The following ZFYVE27 variants were observed in gnomAD, a reference collection of about 807,000 sequenced individuals.
The protein encoded by ZFYVE27 is zinc finger FYVE-type containing 27, also known as protrudin.
A neutral mutation model predicts 52.8 loss-of-function variants in ZFYVE27; 36 were observed. The ratio of observed to expected loss-of-function variants is 0.68; its 90% CI spans 0.52 to 0.90. The LOEUF is 0.90. ZFYVE27 is among the 40% of genes least tolerant of loss of function. The probability of loss-of-function intolerance (pLI) is 0.00; values close to 1 mark genes in which losing one functional copy is unlikely to be tolerated. For synonymous variants in ZFYVE27, 223 were observed against 215.6 expected, an observed-to-expected ratio of 1.03 and a Z score of -0.30; for missense variants, 450 against 527.2, an observed-to-expected ratio of 0.85 and a Z score of 1.43.
intron 5 of ZFYVE27, 89 bp downstream of exon 5, chr10:97,748,453 C>G: frequency 2.3e-6 from 3 of 1,329,116 alleles, no homozygotes; most frequent in Non-Finnish European, 3.2e-6. Flanking sequence ...GGACCTCTGC[C>G]CCTCTTACCT....
In ZFYVE27 at chr10:97,740,722, C is replaced by T. The variant is rs189695001; in HGVS notation, c.197+2048C>T. ...GCTGCTGGGAGAGGGAGCACTGGTC[C>T]ATGAAAGTGGCTGTCACGTTAGTTT... On this transcript the variant is annotated intron_variant, in intron 2 of 12. Coordinates refer to ENST00000684270, the MANE Select transcript of ZFYVE27 (RefSeq NM_001385875.1). Among the ~76,000 whole-genome samples the T allele has an allele frequency of 1.3e-3, 192 of 152,268 alleles. 1 individual carries two copies. The highest frequency in any genetic ancestry group is 3.8e-3 in the African/African-American group (156 of 41,552).
chr10:97,752,789 T>G, intron 8 of ZFYVE27, 68 bp from the exon 9 acceptor site: 2 of 1,580,386 alleles, frequency 1.3e-6, no homozygotes, highest in South Asian at 2.3e-5. Context: ...CCCCTCCAGG[T>G]AGCTTCTTTC....
chr10:97,748,416 G>A, intron 5 of ZFYVE27, 52 bp downstream of exon 5: 2 of 1,584,872 alleles, frequency 1.3e-6, no homozygotes, highest in South Asian at 1.1e-5. Flanking sequence ...TGCAGCTTGA[G>A]CCCGAGCAAA....
intron 6 of ZFYVE27, 104 bp downstream of exon 6, chr10:97,749,690 C>A (rs1302712147): frequency 8.5e-6 from 8 of 945,808 alleles, no homozygotes; most frequent in Admixed American, 1.8e-5. Flanking sequence ...GTTTGCTGTG[C>A]TTCCACAAGT....
At position 97,759,330 on chromosome 10, in the gene ZFYVE27, C is replaced by T. The variant is rs745358878; in HGVS notation, c.*30C>T. On this transcript the variant is annotated 3_prime_UTR_variant, in exon 13 of 13. Transcript: ENST00000684270. ...AGAGGCCAGGGTCCAACCAGGCACC[C>T]GTCCTTGGGACCAGCAGTAGACCCC... The T allele has an allele frequency of 1.5e-5, 25 of 1,613,272 alleles. No homozygotes were observed. The highest frequency in any genetic ancestry group is 1.2e-4 in the South Asian group (11 of 91,062).
Position 97,748,311 on chromosome 10 carries a change from A to C in ZFYVE27, c.498A>C (p.Thr166=), listed in dbSNP as rs746374329. The C allele has an allele frequency of 6.2e-7, 1 of 1,614,138 alleles. No individual in the cohort carries two copies. Among genetic ancestry groups the C allele is most frequent in the Non-Finnish European group, 8.5e-7 (1 of 1,180,030 alleles). The part of the protein sequence containing the change: ...LEAFLSRLCC[T]CEAAYRVLHW... ...CCTTCCTGAGCCGCCTGTGCTGCAC[A>C]TGTGAAGCCGCCTACCGCGTGCTGC... Residue 166 remains threonine (T), a synonymous_variant, in exon 5 of 13, where the codon ACA becomes ACC. Coordinates refer to ENST00000684270, the MANE Select transcript of ZFYVE27 (RefSeq NM_001385875.1).
intron 10 of ZFYVE27, among the ~76,000 whole-genome samples, chr10:97,753,559 G>A (rs1022753651): frequency 1.3e-5 from 2 of 152,138 alleles, no homozygotes; most frequent in African/African-American, 4.8e-5. Flanking sequence ...GCAAATCCCA[G>A]CTCAGCCAGG....
intron 12 of ZFYVE27, 60 bp from the exon 13 acceptor site, chr10:97,759,176 T>C (rs1203466464): frequency 6.3e-7 from 1 of 1,592,564 alleles, no homozygotes; most frequent in Non-Finnish European, 8.6e-7. Flanking sequence ...CTTCTAGTAG[T>C]TGGGGCCATG....
chr10:97,739,280 G>C (rs1445812758), intron 2 of ZFYVE27, among the ~76,000 whole-genome samples: 1 of 151,310 alleles, frequency 6.6e-6, no homozygotes, highest in African/African-American at 2.4e-5. Context: ...TGTTGCCCAG[G>C]CTGGTCTTGA....
At chr10:97,746,051 ATTT>A (rs71488840) in intron 4 of ZFYVE27, among the ~76,000 whole-genome samples, 62 of 64,144 alleles carry the variant, frequency 9.7e-4, no homozygotes, top group African/African-American at 1.9e-3. Flanking sequence ...ATATATATAT[ATTT>A]TTTTTTTTTT....
chr10:97,753,042 A>T lies in ZFYVE27; in HGVS notation c.902A>T (p.Asp301Val), dbSNP rs1226288489. ...TGGAAGGAGCTGTTCCCACAGGAGG[A>T]TGATGAGGGCGCCCCGTGCCCAGCA... ...IEETHLVVLEDDEGAPCPAED... is the reference protein window; with the variant it reads ...IEETHLVVLEVDEGAPCPAED... The change falls in exon 10 of 13, where the codon GAT becomes GTT. Residue 301 changes from aspartate (D) to valine (V), a missense_variant. By Grantham distance (152) the Asp-to-Val change is radical. Coordinates refer to ENST00000684270, the MANE Select transcript of ZFYVE27 (RefSeq NM_001385875.1). The T allele has an allele frequency of 7.4e-6, 12 of 1,612,282 alleles. No individual in the cohort carries two copies. Among genetic ancestry groups the T allele is most frequent in the Non-Finnish European group, 1.0e-5 (12 of 1,179,478 alleles).
At position 97,759,361 on chromosome 10, in the gene ZFYVE27, C is replaced by A; in HGVS notation, c.*61C>A. The A allele has an allele frequency of 6.4e-7, 1 of 1,573,146 alleles. No individual in the cohort carries two copies. The highest frequency in any genetic ancestry group is 8.7e-7 in the Non-Finnish European group (1 of 1,143,364). ...TGGGACCAGCAGTAGACCCCCCACTCTCCCCACCCCTGGCCCACTGTGGTG... is the reference window on the plus strand; with the variant it reads ...TGGGACCAGCAGTAGACCCCCCACTATCCCCACCCCTGGCCCACTGTGGTG... On this transcript the variant is annotated 3_prime_UTR_variant, in exon 13 of 13. Coordinates refer to ENST00000684270, the MANE Select transcript of ZFYVE27 (RefSeq NM_001385875.1).
At chr10:97,741,500 AAACT>A (rs1282853568) in intron 2 of ZFYVE27, among the ~76,000 whole-genome samples, 2 of 152,202 alleles carry the variant, frequency 1.3e-5, no homozygotes, top group Non-Finnish European at 2.9e-5. Context: ...CATTCTCGGC[AAACT>A]AACACAGGAA....
At chr10:97,753,005 G>A in intron 9 of ZFYVE27, 33 bp from the exon 10 acceptor site, 1 of 1,613,078 alleles carries the variant, frequency 6.2e-7, no homozygotes, top group Non-Finnish European at 8.5e-7. Flanking sequence ...CCTTGCAAGA[G>A]GTGGGCAGGA....
chr10:97,742,979 CCTT>C (rs746446076), intron 2 of ZFYVE27, 112 bp from the exon 3 acceptor site: 25 of 1,148,316 alleles, frequency 2.2e-5, no homozygotes, highest in Non-Finnish European at 3.0e-5. Flanking sequence ...TTCTCCTTGA[CCTT>C]CTGTGTTCCA....
chr10:97,755,258 A>T (rs1015142233), intron 10 of ZFYVE27, among the ~76,000 whole-genome samples: 3 of 152,224 alleles, frequency 2.0e-5, no homozygotes, highest in Non-Finnish European at 4.4e-5. Flanking sequence ...CAGGTGTAGC[A>T]GCTCTGCTCC....
At chr10:97,757,552 G>T (rs1457235021) in intron 11 of ZFYVE27, 90 bp from the exon 12 acceptor site, 4 of 1,452,720 alleles carry the variant, frequency 2.8e-6, no homozygotes, top group East Asian at 2.3e-5. Flanking sequence ...GTTTCCTTGG[G>T]TGGGATCAGC....
At chr10:97,750,853 AC>A (rs1466792083) in intron 7 of ZFYVE27, among the ~76,000 whole-genome samples, 1 of 149,140 alleles carries the variant, frequency 6.7e-6, no homozygotes, top group Non-Finnish European at 1.5e-5. Flanking sequence ...CAGTCCTCCC[AC>A]CTCAGCCTCT....
chr10:97,738,698 T>C, intron 2 of ZFYVE27, 24 bp downstream of exon 2: 1 of 1,613,810 alleles, frequency 6.2e-7, no homozygotes, highest in Non-Finnish European at 8.5e-7. Flanking sequence ...GGAGTTGCTC[T>C]GGTCTGCTCT....
Sources: gnomAD v4.1 joint callset for allele counts (sites outside exome capture counted in the v4.1 genomes callset) on GRCh38, gnomAD v4.1.1 for gene constraint, MANE v1.5 for transcripts, NCBI Gene and HGNC (gene_info 2026-07-23, HGNC 2026-07-21) for gene names.